The following ADGRV1 variants were observed in gnomAD, a reference collection of about 807,000 sequenced individuals.
ADGRV1 encodes the protein G-protein coupled receptor 98.
Under a neutral mutation model 596.2 loss-of-function variants are expected in ADGRV1, and 359 were observed. The observed-to-expected ratio is 0.60, with a 90% CI of 0.55 to 0.66. The LOEUF (loss-of-function observed/expected upper bound fraction) is 0.66, where lower values mean the gene tolerates loss of function less well. Ranked by LOEUF, ADGRV1 falls within the 30% of genes least tolerant of loss-of-function variation. The pLI is 0.00. For missense variants in ADGRV1, 7,274 were observed against 7,575.6 expected (o/e 0.96, Z 1.48); for synonymous variants, 2,681 against 2,679.2 (o/e 1.00, Z -0.02).
chr5:90,569,387 ATTT>A (rs869133714), intron 1 of ADGRV1, among the ~76,000 whole-genome samples: 7 of 16,352 alleles, frequency 4.3e-4, no homozygotes, highest in African/African-American at 1.6e-3. Context: ...ATATATATAT[ATTT>A]TTTTTTTTTT....
intron 84 of ADGRV1, among the ~76,000 whole-genome samples, chr5:90,969,988 T>C (rs1261727198): frequency 6.6e-6 from 1 of 152,046 alleles, no homozygotes; most frequent in Non-Finnish European, 1.5e-5. Flanking sequence ...AGGGAAGGGG[T>C]GACGGACAGT....
chr5:91,143,764 T>C (rs1029614907), intron 87 of ADGRV1, among the ~76,000 whole-genome samples: 4 of 152,302 alleles, frequency 2.6e-5, no homozygotes, highest in African/African-American at 9.6e-5. Context: ...AACAGGGGCC[T>C]TCCCCCTCTA....
At position 90,745,801 on chromosome 5, in the gene ADGRV1, GA is replaced by G; in HGVS notation, c.10974+7del. 6.7e-7 allele frequency: 1 copy of G among 1,487,782 alleles called. No homozygotes were observed. The highest frequency in any genetic ancestry group is 9.4e-7 in the Non-Finnish European group (1 of 1,068,146). The allele number at this position is 1,487,782 out of a possible 1,614,324, so 92.2% of individuals were successfully genotyped here. On this transcript the variant is annotated splice_region_variant and intron_variant, in intron 52 of 89. Transcript: ENST00000405460. ...GAATTGTTGCATTTGCTCAGGTAAT[GA>G]TACTGAAGACCCCACACTTGCAATG...
intron 83 of ADGRV1, among the ~76,000 whole-genome samples, chr5:90,907,374 A>G (rs1225092329): frequency 6.6e-6 from 1 of 152,200 alleles, no homozygotes; most frequent in Non-Finnish European, 1.5e-5. Flanking sequence ...CAAACCAGAT[A>G]AAAATCTGCT....
intron 50 of ADGRV1, among the ~76,000 whole-genome samples, chr5:90,742,429 C>A (rs1216438865): frequency 6.6e-6 from 1 of 152,072 alleles, no homozygotes; most frequent in African/African-American, 2.4e-5. Flanking sequence ...TTTTAGGGAA[C>A]TAGAAAGGGA....
chr5:91,004,563 C>T lies in ADGRV1; in HGVS notation c.18152+19041C>T, dbSNP rs1043571173. On this transcript the variant is annotated intron_variant, in intron 85 of 89. Coordinates refer to ENST00000405460, the MANE Select transcript of ADGRV1 (RefSeq NM_032119.4). ...ACTTCCTTTGCAAGGTGTATACCAA[C>T]ATAGGAGAATGCTATAGACATTGTA... Among the ~76,000 whole-genome samples, 38 of 150,912 alleles carry T rather than the reference C, an allele frequency of 2.5e-4. 1 individual carries two copies. Among genetic ancestry groups the T allele is most frequent in the African/African-American group, 8.1e-4 (33 of 40,722 alleles).
In ADGRV1 at chr5:90,618,937, A is replaced by G. The variant is rs16868853; in HGVS notation, c.358-149A>G. Reference sequence around the variant, plus strand: ...ACTTCTTAACCATATTGATGTAATTAGAATGTTTACTTAATCTGTGCATTA... The same window carrying G: ...ACTTCTTAACCATATTGATGTAATTGGAATGTTTACTTAATCTGTGCATTA... On this transcript the variant is annotated intron_variant, in intron 3 of 89. Coordinates refer to ENST00000405460, the MANE Select transcript of ADGRV1 (RefSeq NM_032119.4). The G allele has an allele frequency of 0.011, 4,413 of 395,436 alleles. 116 individuals carry two copies. Among genetic ancestry groups the G allele is most frequent in the African/African-American group, 0.066 (3,160 of 47,870 alleles). 24.5% of individuals were successfully genotyped at this position (395,436 alleles called of 1,614,324 possible).
chr5:90,693,857 A>G, intron 32 of ADGRV1, 33 bp from the exon 33 acceptor site: 1 of 1,467,400 alleles, frequency 6.8e-7, no homozygotes, highest in Non-Finnish European at 9.1e-7. Flanking sequence ...TTGAGTGCTT[A>G]ACCTGTCTTT....
At position 90,728,785 on chromosome 5, in the gene ADGRV1, T is replaced by C. The variant is rs1752139753; in HGVS notation, c.10278T>C (p.Ala3426=). The change falls in exon 49 of 90, where the codon GCT becomes GCC. Residue 3426 remains alanine, a synonymous_variant. Coordinates refer to ENST00000405460, the MANE Select transcript of ADGRV1 (RefSeq NM_032119.4). ...CTGTGTTCTTAGCCATTTCCCAGGCTAATGCCAGGCTAAACTCCCTTTTAT... is the reference window on the plus strand; with the variant it reads ...CTGTGTTCTTAGCCATTTCCCAGGCCAATGCCAGGCTAAACTCCCTTTTAT... The part of the protein sequence containing the change: ...GGSVFLAISQ[A]NARLNSLLFR... 3 of 1,613,908 alleles carry C rather than the reference T, an allele frequency of 1.9e-6. No individual in the cohort carries two copies. The Admixed American group carries it at 5.0e-5, about 27-fold the overall frequency.
intron 32 of ADGRV1, 95 bp downstream of exon 32, chr5:90,692,881 G>A: frequency 1.1e-6 from 1 of 942,492 alleles, no homozygotes. Context: ...TAGGTTTTGT[G>A]GTTTTTTCTA....
At chr5:90,920,059 C>T (rs1439580971) in intron 83 of ADGRV1, among the ~76,000 whole-genome samples, 1 of 151,806 alleles carries the variant, frequency 6.6e-6, no homozygotes, top group Non-Finnish European at 1.5e-5. Flanking sequence ...CTGTCTTAGC[C>T]TGTTCAGGCT....
At chr5:90,867,520 T>G (rs1768245584) in intron 83 of ADGRV1, among the ~76,000 whole-genome samples, 1 of 152,144 alleles carries the variant, frequency 6.6e-6, no homozygotes, top group Non-Finnish European at 1.5e-5. Flanking sequence ...CAGACACCCT[T>G]GCGAAAAGAT....
At chr5:90,664,282 A>G (rs1167995126) in intron 21 of ADGRV1, among the ~76,000 whole-genome samples, 1 of 141,034 alleles carries the variant, frequency 7.1e-6, no homozygotes, top group Non-Finnish European at 1.5e-5. Context: ...ATCCTCTTTT[A>G]TTTCCTTGAG....
chr5:91,107,884 G>A (rs1381910320), intron 87 of ADGRV1, among the ~76,000 whole-genome samples: 1 of 152,132 alleles, frequency 6.6e-6, no homozygotes, highest in Non-Finnish European at 1.5e-5. Context: ...GTAAAGAAAG[G>A]AGGACTGTGA....
intron 2 of ADGRV1, chr5:90,617,553 C>T (rs1226777524): frequency 1.4e-5 from 4 of 283,170 alleles, no homozygotes; most frequent in Non-Finnish European, 2.7e-5. Context: ...CGTGATCCGC[C>T]CGTGTCGGCC....
Position 90,697,139 on chromosome 5 carries a change from T to C in ADGRV1, c.8148T>C (p.Gly2716=). ...AGACAGCTTCCAGATCTGTCATAGG[T>C]CATGAAGGTGGGTTCCTTTTTTTGT... The part of the protein sequence containing the change: ...SFQTASRSVI[G]HEGEILQFHV... Residue 2716 remains glycine (G), a synonymous_variant, in exon 34 of 90, where the codon GGT becomes GGC. Transcript: ENST00000405460. The C allele has an allele frequency of 6.2e-7, 1 of 1,611,654 alleles. No homozygotes were observed. Among genetic ancestry groups the C allele is most frequent in the Non-Finnish European group, 8.5e-7 (1 of 1,178,246 alleles).
At chr5:90,641,775 T>G (rs760010090) in intron 11 of ADGRV1, among the ~76,000 whole-genome samples, 1 of 152,160 alleles carries the variant, frequency 6.6e-6, no homozygotes, top group Non-Finnish European at 1.5e-5. Context: ...GACGTGACAT[T>G]TCGCAAGGTT....
At chr5:91,063,852 GTGGTGGTGGTGGTGGTGGTGGTGA>G (rs2151366987) in intron 85 of ADGRV1, among the ~76,000 whole-genome samples, 2 of 151,946 alleles carry the variant, frequency 1.3e-5, no homozygotes, top group South Asian at 4.1e-4. Flanking sequence ...GGAGCTGGTG[GTGGTGGTGGTGGTGGTGGTGGTGA>G]TGGTGGTGAT....
chr5:90,630,665 T>C (rs1223612971), intron 9 of ADGRV1, among the ~76,000 whole-genome samples: 3 of 152,244 alleles, frequency 2.0e-5, no homozygotes, highest in Admixed American at 6.5e-5. Flanking sequence ...CTGAAGTATA[T>C]AGCAAATGAA....
Sources: gnomAD v4.1 joint callset for allele counts (sites outside exome capture counted in the v4.1 genomes callset) on GRCh38, gnomAD v4.1.1 for gene constraint, MANE v1.5 for transcripts, NCBI Gene and HGNC (gene_info 2026-07-23, HGNC 2026-07-21) for gene names.